The following SYT1 variants were observed in gnomAD, a reference collection of about 807,000 sequenced individuals.
SYT1 encodes synaptotagmin-1.
In SYT1, 8 loss-of-function variants were observed where a neutral mutation model predicts 44.8. The ratio of observed to expected loss-of-function variants is 0.18; its 90% CI spans 0.10 to 0.32. The LOEUF is 0.32. Among genes scored for constraint, SYT1 ranks in the 10% least tolerant of loss-of-function variants. SYT1 has a pLI of 1.00. For synonymous variants in SYT1, 154 were observed against 188.8 expected, an observed-to-expected ratio of 0.82 and a Z score of 1.51; for missense variants, 286 against 509.3, an observed-to-expected ratio of 0.56 and a Z score of 4.22.
intron 3 of SYT1, among the ~76,000 whole-genome samples, chr12:79,167,177 T>C (rs185895200): frequency 3.3e-5 from 5 of 152,134 alleles, no homozygotes; most frequent in African/African-American, 1.2e-4. Context: ...CATATTGCGA[T>C]CTCAGATTCC....
intron 9 of SYT1, among the ~76,000 whole-genome samples, chr12:79,429,621 C>T (rs888368151): frequency 2.7e-5 from 4 of 150,516 alleles, no homozygotes; most frequent in Admixed American, 6.6e-5. Flanking sequence ...CTCCGCCTCC[C>T]GGGTTCACGC....
At chr12:78,995,744 T>G (rs1870333725) in intron 2 of SYT1, 1 of 147,576 alleles carries the variant, frequency 6.8e-6, no homozygotes. Context: ...TAATGGAGGA[T>G]TTTTTTTAAC....
Position 79,090,632 on chromosome 12 carries a change from C to T in SYT1, c.-18+43270C>T, listed in dbSNP as rs184682147. Among the ~76,000 whole-genome samples, 504 of 152,060 alleles carry T rather than the reference C, an allele frequency of 3.3e-3. 3 individuals carry two copies. The highest frequency in any genetic ancestry group is 0.011 in the African/African-American group (474 of 41,516). Reference sequence around the variant, plus strand: ...AGATAATTTGAGCCTATAAACCAAACAGACAGATTCACAGGAAAAAGCATA... The same window carrying T: ...AGATAATTTGAGCCTATAAACCAAATAGACAGATTCACAGGAAAAAGCATA... On this transcript the variant is annotated intron_variant, in intron 3 of 10. Coordinates refer to ENST00000261205, the MANE Select transcript of SYT1 (RefSeq NM_005639.3).
chr12:78,945,468 C>CTATA (rs35939696), intron 1 of SYT1, among the ~76,000 whole-genome samples: 75 of 146,230 alleles, frequency 5.1e-4, no homozygotes, highest in Middle Eastern at 3.6e-3. Context: ...TTATGTGTGT[C>CTATA]TATATATATA....
At chr12:79,306,717 A>C (rs1259333320) in intron 8 of SYT1, among the ~76,000 whole-genome samples, 2 of 152,232 alleles carry the variant, frequency 1.3e-5, no homozygotes, top group Non-Finnish European at 2.9e-5. Context: ...AAGGACCGAG[A>C]GTTTTCAGCT....
chr12:79,104,389 T>C (rs1175235132), intron 3 of SYT1, among the ~76,000 whole-genome samples: 1 of 152,020 alleles, frequency 6.6e-6, no homozygotes, highest in Non-Finnish European at 1.5e-5. Flanking sequence ...ATGATATATA[T>C]ATACAATACA....
intron 1 of SYT1, among the ~76,000 whole-genome samples, chr12:78,947,039 A>G (rs1193463438): frequency 6.6e-6 from 1 of 152,114 alleles, no homozygotes; most frequent in East Asian, 1.9e-4. Flanking sequence ...TGTTTCCTCA[A>G]ATGTTTAATG....
intron 2 of SYT1, among the ~76,000 whole-genome samples, chr12:79,026,598 A>G (rs1347559945): frequency 6.8e-6 from 1 of 146,528 alleles, no homozygotes; most frequent in Non-Finnish European, 1.5e-5. Context: ...ATTCCACAGA[A>G]CTGGATACTG....
intron 4 of SYT1, among the ~76,000 whole-genome samples, chr12:79,226,007 CA>C (rs1875495593): frequency 2.0e-5 from 3 of 152,154 alleles, no homozygotes; most frequent in Non-Finnish European, 4.4e-5. Flanking sequence ...TCTCTGAAGG[CA>C]ATATGTTGGG....
At chr12:79,204,026 G>A (rs956356772) in intron 3 of SYT1, among the ~76,000 whole-genome samples, 2 of 152,150 alleles carry the variant, frequency 1.3e-5, no homozygotes, top group Non-Finnish European at 2.9e-5. Flanking sequence ...AGACTTCCAT[G>A]GACTCAGAGC....
intron 3 of SYT1, among the ~76,000 whole-genome samples, chr12:79,087,206 C>T (rs966802807): frequency 6.6e-6 from 1 of 152,040 alleles, no homozygotes; most frequent in Admixed American, 6.6e-5. Context: ...TTGTAATAGT[C>T]ATGGTTATTC....
chr12:79,020,430 C>T (rs1872114472), intron 2 of SYT1, among the ~76,000 whole-genome samples: 1 of 151,856 alleles, frequency 6.6e-6, no homozygotes, highest in Admixed American at 6.6e-5. Context: ...GGTTCTCCTC[C>T]TCTCTGAAAA....
At chr12:79,039,218 GA>G (rs1265592098) in intron 2 of SYT1, among the ~76,000 whole-genome samples, 1 of 151,748 alleles carries the variant, frequency 6.6e-6, no homozygotes, top group Non-Finnish European at 1.5e-5. Flanking sequence ...TCTAAAACTA[GA>G]TACAAAAAAA....
At chr12:79,148,223 G>A (rs1016442594) in intron 3 of SYT1, among the ~76,000 whole-genome samples, 9 of 152,062 alleles carry the variant, frequency 5.9e-5, no homozygotes, top group Non-Finnish European at 1.0e-4. Context: ...GATCCATTCC[G>A]AAGAACTTTT....
intron 3 of SYT1, among the ~76,000 whole-genome samples, chr12:79,049,982 A>G (rs1874352806): frequency 6.6e-6 from 1 of 151,996 alleles, no homozygotes; most frequent in Non-Finnish European, 1.5e-5. Context: ...ATAAAAGACC[A>G]CTGGAAAGTG....
At chr12:78,894,366 G>A (rs1223347366) in intron 1 of SYT1, among the ~76,000 whole-genome samples, 2 of 24,606 alleles carry the variant, frequency 8.1e-5, no homozygotes, top group East Asian at 1.4e-3. Flanking sequence ...TTTTTTTTTT[G>A]TGATCACCAT....
At chr12:79,104,628 G>A (rs1245497370) in intron 3 of SYT1, among the ~76,000 whole-genome samples, 12 of 151,672 alleles carry the variant, frequency 7.9e-5, no homozygotes, top group Admixed American at 7.9e-4. Flanking sequence ...CTTGTCCAAG[G>A]GCTAGACAGA....
At chr12:79,327,523 C>A (rs1358278449) in intron 8 of SYT1, among the ~76,000 whole-genome samples, 1 of 152,176 alleles carries the variant, frequency 6.6e-6, no homozygotes, top group Non-Finnish European at 1.5e-5. Context: ...CTATGGTAAA[C>A]AACTATGTTC....
At chr12:79,307,908 A>G (rs1338010019) in intron 8 of SYT1, among the ~76,000 whole-genome samples, 1 of 152,212 alleles carries the variant, frequency 6.6e-6, no homozygotes, top group East Asian at 1.9e-4. Flanking sequence ...AGATGGCAAA[A>G]TTGATGCCTG....
Sources: allele counts gnomAD v4.1 joint callset (sites outside exome capture counted in the v4.1 genomes callset), GRCh38; gene constraint gnomAD v4.1.1; transcripts MANE v1.5; gene names NCBI Gene and HGNC (gene_info 2026-07-23, HGNC 2026-07-21).